SLC27A1: variants seen among roughly 807,000 people sequenced by gnomAD.
The protein encoded by SLC27A1 is solute carrier family 27 member 1, also known as long-chain fatty acid transport protein 1.
A neutral mutation model predicts 62.2 loss-of-function variants in SLC27A1; 61 were observed. The ratio of observed to expected loss-of-function variants is 0.98; its 90% CI spans 0.80 to 1.21. SLC27A1 has a LOEUF of 1.21. Among genes scored for constraint, SLC27A1 ranks in the 50% most tolerant of loss-of-function variants. The pLI is 0.00. For missense variants in SLC27A1, 903 were observed against 932.1 expected, an observed-to-expected ratio of 0.97 and a Z score of 0.41; for synonymous variants, 435 against 408.6, an observed-to-expected ratio of 1.06 and a Z score of -0.78.
chr19:17,501,199 C>T, intron 10 of SLC27A1, 74 bp from the exon 11 acceptor site: 6 of 1,571,542 alleles, frequency 3.8e-6, no homozygotes, highest in Non-Finnish European at 3.5e-6. Context: ...GGGGCTACTG[C>T]TTGACAGTGT....
At chr19:17,472,770 G>A (rs1004551715) in intron 1 of SLC27A1, among the ~76,000 whole-genome samples, 13 of 152,034 alleles carry the variant, frequency 8.6e-5, no homozygotes, top group African/African-American at 2.7e-4. Flanking sequence ...CACGTAGTCC[G>A]CCTGCCTTGG....
rs2075195398 is a variant in SLC27A1 at position 17,483,044 on chromosome 19, A to ATGAG, written c.168-3516_168-3515insGTGA. 2.3e-4 allele frequency among the ~76,000 whole-genome samples: 35 copies of ATGAG among 152,248 alleles called. No individual in the cohort carries two copies. In the South Asian group the frequency reaches 7.2e-3, roughly 32 times the overall value. On this transcript the variant is annotated intron_variant, in intron 1 of 11. Coordinates refer to ENST00000252595, the MANE Select transcript of SLC27A1 (RefSeq NM_198580.3). Reference sequence around the variant, plus strand: ...AATGAGGGAATGAGTGAAGGAGGGAATGAATGAGGGAACGAGTGAAGGAGG... The same window carrying ATGAG: ...AATGAGGGAATGAGTGAAGGAGGGAATGAGTGAATGAGGGAACGAGTGAAGGAGG...
chr19:17,487,618 C>A, intron 4 of SLC27A1, 89 bp downstream of exon 4: 1 of 1,291,592 alleles, frequency 7.7e-7, no homozygotes, highest in South Asian at 1.3e-5. Context: ...CTCCTGTGGG[C>A]ATCTCCATGT....
At chr19:17,501,596 G>A (rs2075413832) in intron 11 of SLC27A1, among the ~76,000 whole-genome samples, 177 bp downstream of exon 11, 2 of 152,016 alleles carry the variant, frequency 1.3e-5, no homozygotes, top group South Asian at 2.1e-4. Flanking sequence ...GAGGTGAGGA[G>A]ATCGAGAGCA....
chr19:17,491,071 C>T (rs913593466), intron 6 of SLC27A1: 6 of 146,790 alleles, frequency 4.1e-5, no homozygotes, highest in African/African-American at 1.5e-4. Context: ...CATGATGATA[C>T]ACACCTGTAA....
At chr19:17,482,677 GTGGGGAGAGAA>G (rs1228563000) in intron 1 of SLC27A1, among the ~76,000 whole-genome samples, 1 of 150,278 alleles carries the variant, frequency 6.7e-6, no homozygotes, top group Non-Finnish European at 1.5e-5. Flanking sequence ...AAAAAAAAGG[GTGGGGAGAGAA>G]TGGAGCGGGA....
chr19:17,488,359 A>C (rs187286671), intron 4 of SLC27A1, among the ~76,000 whole-genome samples: 1 of 152,146 alleles, frequency 6.6e-6, no homozygotes, highest in African/African-American at 2.4e-5. Flanking sequence ...CTCCCTCTCA[A>C]AAAAAGAAAC....
rs781150688 is a variant in SLC27A1, at chr19:17,470,561, C to T, written c.21C>T (p.Gly7=). 5.1e-6 allele frequency: 8 copies of T among 1,563,198 alleles called. No homozygotes were observed. The Admixed American group carries it at 5.4e-5, about 11-fold the overall frequency. The change falls in exon 1 of 12, where the codon GGC becomes GGT. Residue 7 remains glycine, a synonymous_variant. Transcript: ENST00000252595. ...CCAGGATGCGGGCTCCGGGTGCGGG[C>T]GCGGCCTCGGTGGTCTCGCTGGCGC... MRAPGA[G]AASVVSLALL... is the part of the protein sequence containing the mutation.
intron 11 of SLC27A1, among the ~76,000 whole-genome samples, chr19:17,504,109 A>G (rs2075448161): frequency 6.6e-6 from 1 of 152,100 alleles, no homozygotes; most frequent in Non-Finnish European, 1.5e-5. Flanking sequence ...TTATTTACAA[A>G]AACAGGTGGA....
intron 1 of SLC27A1, among the ~76,000 whole-genome samples, chr19:17,482,807 G>A (rs1288705779): frequency 6.6e-6 from 1 of 152,116 alleles, no homozygotes; most frequent in East Asian, 1.9e-4. Context: ...CTGCTAGGGA[G>A]GGCAGATGCC....
chr19:17,505,191 C>T lies in SLC27A1; in HGVS notation c.*579C>T. 2 of 302,354 alleles carry T rather than the reference C, an allele frequency of 6.6e-6. No individual in the cohort carries two copies. The highest frequency in any genetic ancestry group is 1.3e-5 in the Non-Finnish European group (2 of 155,370). The allele number at this position is 302,354 out of a possible 1,614,324, so 18.7% of individuals were successfully genotyped here. On this transcript the variant is annotated 3_prime_UTR_variant, in exon 12 of 12. Coordinates refer to ENST00000252595, the MANE Select transcript of SLC27A1 (RefSeq NM_198580.3). ...TTATAGGCGTGAGCCTCTGGCCCGGCCTTTCCTTTTTCCTCTCCTCTCCTG... is the reference window on the plus strand; with the variant it reads ...TTATAGGCGTGAGCCTCTGGCCCGGTCTTTCCTTTTTCCTCTCCTCTCCTG...
chr19:17,497,778 AAGG>A (rs1568422641), intron 7 of SLC27A1: 1 of 386,226 alleles, frequency 2.6e-6, no homozygotes, highest in Non-Finnish European at 4.7e-6. Flanking sequence ...GGAGATTAGC[AAGG>A]AGAATAGGGC....
chr19:17,494,269 C>G (rs2075325634), intron 6 of SLC27A1, among the ~76,000 whole-genome samples: 1 of 151,774 alleles, frequency 6.6e-6, no homozygotes. Context: ...ATGATCTGCC[C>G]ACCTCGGCCT....
chr19:17,500,079 C>G, intron 7 of SLC27A1, 199 bp from the exon 8 acceptor site: 2 of 769,832 alleles, frequency 2.6e-6, no homozygotes, highest in Non-Finnish European at 4.0e-6. Context: ...TGACTGAATG[C>G]AGGCTGGGAA....
chr19:17,504,772 C>G lies in SLC27A1; in HGVS notation c.*160C>G. 5 of 929,394 alleles carry G rather than the reference C, an allele frequency of 5.4e-6. No individual in the cohort carries two copies. The highest frequency in any genetic ancestry group is 8.5e-6 in the Non-Finnish European group (5 of 591,636). The allele number at this position is 929,394 out of a possible 1,614,324, so 57.6% of individuals were successfully genotyped here. On this transcript the variant is annotated 3_prime_UTR_variant, in exon 12 of 12. Coordinates refer to ENST00000252595, the MANE Select transcript of SLC27A1 (RefSeq NM_198580.3). ...TGAGAAACTGGAACCTCAGAGGAAC[C>G]CGTGCCTCTCTGCTGCCTTGGTGCC...
chr19:17,501,501 T>C, intron 11 of SLC27A1, 82 bp downstream of exon 11: 1 of 1,533,122 alleles, frequency 6.5e-7, no homozygotes, highest in Non-Finnish European at 8.8e-7. Context: ...TTTGTGTTGC[T>C]CTAAAAGAAT....
At chr19:17,470,497 G>C, upstream of SLC27A1, 6 of 1,499,834 alleles carry the variant, frequency 4.0e-6, no homozygotes, top group Non-Finnish European at 5.3e-6. Flanking sequence ...TCGTGGGGCG[G>C]GGCTGGAGCG....
intron 1 of SLC27A1, among the ~76,000 whole-genome samples, chr19:17,482,510 G>C: frequency 6.6e-6 from 1 of 152,044 alleles, no homozygotes; most frequent in East Asian, 1.9e-4. Flanking sequence ...AATTAGCTGG[G>C]CGTGGTAGCA....
intron 4 of SLC27A1, 75 bp from the exon 5 acceptor site, chr19:17,488,773 C>T: frequency 1.5e-6 from 2 of 1,359,714 alleles, no homozygotes; most frequent in Non-Finnish European, 2.1e-6. Flanking sequence ...CCACATGCAG[C>T]ATGCTTCCCC....
Sources: gnomAD v4.1 joint callset for allele counts (sites outside exome capture counted in the v4.1 genomes callset) on GRCh38, gnomAD v4.1.1 for gene constraint, MANE v1.5 for transcripts, NCBI Gene and HGNC (gene_info 2026-07-23, HGNC 2026-07-21) for gene names.